The following MBD5 variants were observed in gnomAD, a reference collection of about 807,000 sequenced individuals.
MBD5 encodes the protein methyl-CpG-binding domain protein 5.
In MBD5, 13 loss-of-function variants were observed where a neutral mutation model predicts 117.3. The ratio of observed to expected loss-of-function variants is 0.11; its 90% CI spans 0.07 to 0.18. The LOEUF (loss-of-function observed/expected upper bound fraction) is 0.18, where lower values mean the gene tolerates loss of function less well. Among genes scored for constraint, MBD5 ranks in the 10% least tolerant of loss-of-function variants. The pLI is 1.00. For missense variants in MBD5, 1,879 were observed against 2,093.8 expected, an observed-to-expected ratio of 0.90 and a Z score of 2.00; for synonymous variants, 727 against 766.4, an observed-to-expected ratio of 0.95 and a Z score of 0.85.
chr2:148,516,812 T>C lies in MBD5; in HGVS notation c.*3871T>C, dbSNP rs187138671. 3.9e-5 allele frequency: 6 copies of C among 152,336 alleles called. No individual in the cohort carries two copies. The highest frequency in any genetic ancestry group is 7.3e-5 in the Non-Finnish European group (5 of 68,028). 9.4% of individuals were successfully genotyped at this position (152,336 alleles called of 1,614,324 possible). On this transcript the variant is annotated 3_prime_UTR_variant, in exon 14 of 14. Coordinates refer to ENST00000642680, the MANE Select transcript of MBD5 (RefSeq NM_001378120.1). ...CTGTGTGTGTACCTCAGTGACCTTT[T>C]ATAAACCGGAAAAATGGTTGATTTA...
At position 148,515,017 on chromosome 2, in the gene MBD5, T is replaced by C. The variant is rs1013745176; in HGVS notation, c.*2076T>C. The C allele has an allele frequency of 6.6e-6, 1 of 152,230 alleles. No homozygotes were observed. The highest frequency in any genetic ancestry group is 2.4e-5 in the African/African-American group (1 of 41,452). The allele number at this position is 152,230 out of a possible 1,614,324, so 9.4% of individuals were successfully genotyped here. On this transcript the variant is annotated 3_prime_UTR_variant, in exon 14 of 14. Transcript: ENST00000642680. Reference sequence around the variant, plus strand: ...ACATGAAGTAATCTTTTGTGTAGTTTAGTTGACACATGTTTATAAGTTAAA... The same window carrying C: ...ACATGAAGTAATCTTTTGTGTAGTTCAGTTGACACATGTTTATAAGTTAAA...
intron 4 of MBD5, among the ~76,000 whole-genome samples, chr2:148,357,688 G>A (rs967779473): frequency 1.3e-5 from 2 of 151,620 alleles, no homozygotes; most frequent in African/African-American, 2.4e-5. Flanking sequence ...GTCCACATGG[G>A]CTGGCCATTT....
In MBD5 at chr2:148,468,706, C is replaced by T. The variant is rs183855575; in HGVS notation, c.763C>T (p.Pro255Ser). The T allele has an allele frequency of 1.8e-5, 29 of 1,613,910 alleles. No homozygotes were observed. In the Admixed American group the frequency reaches 3.3e-4, roughly 19 times the overall value. ...TCCTGATGTTTTCACAAGAAGTAAT[C>T]CTGGTTTTCATGGAGCTCCCAATTC... ...GSPDVFTRSN[P>S]GFHGAPNSSP... is the part of the protein sequence containing the mutation. The change falls in exon 8 of 14, where the codon CCT becomes TCT. Residue 255 changes from proline (P) to serine (S), a missense_variant. Coordinates refer to ENST00000642680, the MANE Select transcript of MBD5 (RefSeq NM_001378120.1).
At chr2:148,298,799 T>C (rs886630099) in intron 3 of MBD5, among the ~76,000 whole-genome samples, 2 of 152,238 alleles carry the variant, frequency 1.3e-5, no homozygotes, top group African/African-American at 4.8e-5. Context: ...ATATCAATAT[T>C]GTATGTATAG....
intron 4 of MBD5, among the ~76,000 whole-genome samples, chr2:148,445,293 C>T (rs533346149): frequency 4.0e-5 from 6 of 151,024 alleles, no homozygotes; most frequent in Non-Finnish European, 7.4e-5. Flanking sequence ...CCGCTCCCCC[C>T]ACCCCATGAC....
intron 2 of MBD5, among the ~76,000 whole-genome samples, chr2:148,184,976 T>A (rs1698618631): frequency 6.6e-6 from 1 of 152,252 alleles, no homozygotes; most frequent in African/African-American, 2.4e-5. Flanking sequence ...TACGGTTTAG[T>A]AGGAAAGGGC....
intron 3 of MBD5, among the ~76,000 whole-genome samples, chr2:148,287,445 C>T (rs753476355): frequency 3.3e-5 from 5 of 152,052 alleles, no homozygotes; most frequent in South Asian, 2.1e-4. Context: ...TAGTGAGTGA[C>T]GGATGTATCA....
At chr2:148,248,450 T>A (rs1700387637) in intron 3 of MBD5, among the ~76,000 whole-genome samples, 1 of 152,126 alleles carries the variant, frequency 6.6e-6, no homozygotes, top group Non-Finnish European at 1.5e-5. Context: ...GAAGCAAACA[T>A]AAATTCTCAT....
chr2:148,222,498 C>G (rs191245730), intron 2 of MBD5, among the ~76,000 whole-genome samples: 2 of 151,934 alleles, frequency 1.3e-5, no homozygotes, highest in Admixed American at 6.6e-5. Flanking sequence ...AAGTTAATTC[C>G]TAGGTATTTA....
intron 3 of MBD5, among the ~76,000 whole-genome samples, chr2:148,325,242 T>C (rs1473823240): frequency 6.6e-6 from 1 of 152,208 alleles, no homozygotes; most frequent in Non-Finnish European, 1.5e-5. Flanking sequence ...TTTGCCAGTA[T>C]TTTATTGAGG....
At chr2:148,198,102 A>G (rs533828360) in intron 2 of MBD5, among the ~76,000 whole-genome samples, 8 of 152,284 alleles carry the variant, frequency 5.3e-5, no homozygotes, top group Admixed American at 4.6e-4. Flanking sequence ...GACTGGCTAC[A>G]CTAACTTATG....
intron 3 of MBD5, among the ~76,000 whole-genome samples, chr2:148,282,547 G>A (rs1465525345): frequency 1.3e-5 from 2 of 151,286 alleles, no homozygotes; most frequent in Non-Finnish European, 2.9e-5. Context: ...AAAAAAATAT[G>A]TATATATATA....
At chr2:148,343,587 C>G (rs1273655685) in intron 4 of MBD5, among the ~76,000 whole-genome samples, 1 of 151,992 alleles carries the variant, frequency 6.6e-6, no homozygotes, top group Non-Finnish European at 1.5e-5. Context: ...TGAAAAGTGT[C>G]TGTTCATGTC....
At chr2:148,142,034 A>G (rs376662731) in intron 1 of MBD5, among the ~76,000 whole-genome samples, 8 of 152,200 alleles carry the variant, frequency 5.3e-5, no homozygotes, top group Non-Finnish European at 1.0e-4. Flanking sequence ...AAGAAAACCT[A>G]TGGAGAACTC....
chr2:148,304,364 G>A (rs1011192089), intron 3 of MBD5, among the ~76,000 whole-genome samples: 5 of 151,942 alleles, frequency 3.3e-5, no homozygotes, highest in East Asian at 1.9e-4. Context: ...AATCCCAGGC[G>A]TTCTGGCACA....
At chr2:148,155,518 C>CTAA (rs1432594862) in intron 1 of MBD5, among the ~76,000 whole-genome samples, 21 of 152,220 alleles carry the variant, frequency 1.4e-4, no homozygotes, top group South Asian at 4.1e-4. Flanking sequence ...TTGTCCTCCA[C>CTAA]ATCTTGTAAG....
At chr2:148,163,461 G>A (rs1416368602) in intron 1 of MBD5, among the ~76,000 whole-genome samples, 1 of 151,414 alleles carries the variant, frequency 6.6e-6, no homozygotes, top group African/African-American at 2.4e-5. Flanking sequence ...CGCTCTTGTT[G>A]CCCAGGCTGG....
chr2:148,221,457 T>C (rs1699683563), intron 2 of MBD5, among the ~76,000 whole-genome samples: 1 of 152,194 alleles, frequency 6.6e-6, no homozygotes, highest in Non-Finnish European at 1.5e-5. Flanking sequence ...AAAGCCGTTT[T>C]AACTGAGGTG....
At chr2:148,143,863 T>C (rs1245401646) in intron 1 of MBD5, among the ~76,000 whole-genome samples, 1 of 152,072 alleles carries the variant, frequency 6.6e-6, no homozygotes, top group African/African-American at 2.4e-5. Context: ...TGATGGACAT[T>C]TGGGTTGGTT....
Sources: allele counts gnomAD v4.1 joint callset (sites outside exome capture counted in the v4.1 genomes callset), GRCh38; gene constraint gnomAD v4.1.1; transcripts MANE v1.5; gene names NCBI Gene and HGNC (gene_info 2026-07-23, HGNC 2026-07-21).